MFHAS1: variants seen among roughly 807,000 people sequenced by gnomAD.
MFHAS1 encodes the protein multifunctional ROCO family signaling regulator 1.
A neutral mutation model predicts 70.4 loss-of-function variants in MFHAS1; 50 were observed. The observed-to-expected ratio is 0.71, with a 90% CI of 0.57 to 0.90. The LOEUF (loss-of-function observed/expected upper bound fraction) is 0.90, where lower values mean the gene tolerates loss of function less well. Among genes scored for constraint, MFHAS1 ranks in the 40% least tolerant of loss-of-function variants. The probability of loss-of-function intolerance (pLI) is 0.00; values close to 1 mark genes in which losing one functional copy is unlikely to be tolerated. For synonymous variants in MFHAS1, 952 were observed against 620.0 expected (o/e 1.54, Z -7.96); for missense variants, 1,795 against 1,347.6 (o/e 1.33, Z -5.20).
chr8:8,881,833 A>G (rs983599039), intron 1 of MFHAS1, among the ~76,000 whole-genome samples: 3 of 151,304 alleles, frequency 2.0e-5, no homozygotes, highest in Admixed American at 6.6e-5. Context: ...AAAAAAAAAA[A>G]AGAAAGCAGC....
intron 1 of MFHAS1, among the ~76,000 whole-genome samples, chr8:8,833,797 C>T (rs1807497611): frequency 6.6e-6 from 1 of 152,038 alleles, no homozygotes; most frequent in Non-Finnish European, 1.5e-5. Flanking sequence ...GAGAAGAACC[C>T]AAATGTCCCA....
At chr8:8,868,078 G>T (rs1463095344) in intron 1 of MFHAS1, among the ~76,000 whole-genome samples, 1 of 151,962 alleles carries the variant, frequency 6.6e-6, no homozygotes, top group Admixed American at 6.6e-5. Flanking sequence ...TATAATAAGT[G>T]GTATAGCGCA....
chr8:8,876,898 C>A (rs991605599), intron 1 of MFHAS1, among the ~76,000 whole-genome samples: 2 of 151,482 alleles, frequency 1.3e-5, no homozygotes, highest in Non-Finnish European at 2.9e-5. Context: ...CATGCCACTG[C>A]ACTCCAGCCT....
At chr8:8,811,352 G>C (rs1806540281) in intron 1 of MFHAS1, among the ~76,000 whole-genome samples, 1 of 151,130 alleles carries the variant, frequency 6.6e-6, no homozygotes, top group African/African-American at 2.4e-5. Context: ...CTGTCACCCA[G>C]GCTGGAGTAC....
rs1275426051 is a variant in MFHAS1 at position 8,893,365 on chromosome 8, T to C, written c.-307A>G. Reference sequence around the variant, plus strand: ...GGAGGATGCCTGCTCCTCCTCCCTCTCCGCCCGCCGCGCGGCGCCTCGGGG... The same window carrying C: ...GGAGGATGCCTGCTCCTCCTCCCTCCCCGCCCGCCGCGCGGCGCCTCGGGG... On this transcript the variant is annotated 5_prime_UTR_variant, in exon 1 of 3. Coordinates refer to ENST00000276282, the MANE Select transcript of MFHAS1 (RefSeq NM_004225.3). 1 of 144,356 alleles carries C rather than the reference T, an allele frequency of 6.9e-6. No individual in the cohort carries two copies. The highest frequency in any genetic ancestry group is 1.5e-5 in the Non-Finnish European group (1 of 65,182). The allele number at this position is 144,356 out of a possible 1,614,324, so 8.9% of individuals were successfully genotyped here.
chr8:8,800,111 A>T (rs1176641639), intron 1 of MFHAS1, among the ~76,000 whole-genome samples: 1 of 152,182 alleles, frequency 6.6e-6, no homozygotes, highest in Non-Finnish European at 1.5e-5. Flanking sequence ...CAATCTAAAA[A>T]CGCTATTTTT....
At chr8:8,838,274 G>C (rs1163196944) in intron 1 of MFHAS1, among the ~76,000 whole-genome samples, 1 of 152,200 alleles carries the variant, frequency 6.6e-6, no homozygotes, top group East Asian at 1.9e-4. Flanking sequence ...TGGCTGGGAA[G>C]AGGCAGAAAG....
At chr8:8,831,698 T>G (rs2117324673) in intron 1 of MFHAS1, among the ~76,000 whole-genome samples, 1 of 151,228 alleles carries the variant, frequency 6.6e-6, no homozygotes, top group Non-Finnish European at 1.5e-5. Flanking sequence ...AACCTCCGCC[T>G]CCCAGGTTCA....
chr8:8,811,087 G>A (rs374719592), intron 1 of MFHAS1, among the ~76,000 whole-genome samples: 3 of 152,116 alleles, frequency 2.0e-5, no homozygotes, highest in East Asian at 1.9e-4. Flanking sequence ...CAGCACTACA[G>A]GGAGAGGATT....
In MFHAS1 at chr8:8,804,418, C is replaced by A. The variant is rs577433784; in HGVS notation, c.2999-6927G>T. 8.5e-5 allele frequency among the ~76,000 whole-genome samples: 13 copies of A among 152,166 alleles called. No homozygotes were observed. The South Asian group carries it at 1.5e-3, about 17-fold the overall frequency. On this transcript the variant is annotated intron_variant, in intron 1 of 2. Transcript: ENST00000276282. ...ATAAAATAAACAAAAAACAAACAAA[C>A]AAAAAAACAACATTCATAAACACCC...
Position 8,892,036 on chromosome 8 carries a change from C to G in MFHAS1, c.1023G>C (p.Leu341=), listed in dbSNP as rs746949389. ...IRYLPDSIVE[L]TGLEELVLQG... is the part of the protein sequence containing the mutation. Reference sequence around the variant, plus strand: ...GCAGCACGAGCTCCTCCAGGCCGGTCAGCTCCACGATGGAGTCCGGCAGGT... The same window carrying G: ...GCAGCACGAGCTCCTCCAGGCCGGTGAGCTCCACGATGGAGTCCGGCAGGT... Residue 341 remains leucine (L), a synonymous_variant, in exon 1 of 3, where the codon CTG becomes CTC. Transcript: ENST00000276282. The surrounding 1 kb of genome is among the most constrained non-coding windows in gnomAD (Gnocchi z 4.7). 4.3e-6 allele frequency: 7 copies of G among 1,613,344 alleles called. No individual in the cohort carries two copies. In the African/African-American group the frequency reaches 6.7e-5, roughly 15 times the overall value.
chr8:8,883,754 G>A (rs1025182275), intron 1 of MFHAS1, among the ~76,000 whole-genome samples: 3 of 141,346 alleles, frequency 2.1e-5, no homozygotes, highest in Non-Finnish European at 3.1e-5. Flanking sequence ...ATGGATAGAA[G>A]CAAGTTAATA....
intron 1 of MFHAS1, among the ~76,000 whole-genome samples, chr8:8,871,145 G>T (rs996338992): frequency 3.3e-5 from 5 of 152,168 alleles, no homozygotes; most frequent in African/African-American, 7.2e-5. Flanking sequence ...TCTGCTACAT[G>T]CTGTGTGCCC....
Position 8,892,847 on chromosome 8 carries a change from C to A in MFHAS1, c.212G>T (p.Gly71Val). 6.3e-7 allele frequency: 1 copy of A among 1,597,646 alleles called. No homozygotes were observed. The highest frequency in any genetic ancestry group is 8.5e-7 in the Non-Finnish European group (1 of 1,172,728). The change falls in exon 1 of 3, where the codon GGG (glycine) becomes GTG (valine). Residue 71 changes from glycine (G) to valine (V), a missense_variant. Gly to Val is a moderately radical substitution (Grantham distance 109, BLOSUM62 -3). Transcript: ENST00000276282. The surrounding 1 kb of genome is among the most constrained non-coding windows in gnomAD (Gnocchi z 4.7). ...GGGTACCTCCTCCAGGCCGTTGTTC[C>A]CCAGGTTCAGTGCCTCAATGTCCCC... ...NLGDIEALNL[G>V]NNGLEEVPEG...
At position 8,784,574 on chromosome 8, in the gene MFHAS1, A is replaced by T. The variant is rs1281509653; in HGVS notation, c.*1448T>A. On this transcript the variant is annotated 3_prime_UTR_variant, in exon 3 of 3. Coordinates refer to ENST00000276282, the MANE Select transcript of MFHAS1 (RefSeq NM_004225.3). ...CTAGCAGGGCAGTCGCTTGCTCCTTATTTCTTTTAAAAAACATGTTGAGAC... is the reference window on the plus strand; with the variant it reads ...CTAGCAGGGCAGTCGCTTGCTCCTTTTTTCTTTTAAAAAACATGTTGAGAC... 1 of 152,144 alleles carries T rather than the reference A, an allele frequency of 6.6e-6. No homozygotes were observed. The highest frequency in any genetic ancestry group is 1.5e-5 in the Non-Finnish European group (1 of 68,010). The allele number at this position is 152,144 out of a possible 1,614,324, so 9.4% of individuals were successfully genotyped here.
rs537991328 is a variant in MFHAS1 at position 8,871,339 on chromosome 8, C to T, written c.2998+18722G>A. Among the ~76,000 whole-genome samples, 18 of 152,260 alleles carry T rather than the reference C, an allele frequency of 1.2e-4. No homozygotes were observed. The South Asian group carries it at 2.7e-3, about 23-fold the overall frequency. On this transcript the variant is annotated intron_variant, in intron 1 of 2. Coordinates refer to ENST00000276282, the MANE Select transcript of MFHAS1 (RefSeq NM_004225.3). ...CCGAGGGGGCTGGATCACTTGAGGT[C>T]GGGAGTTTGAGACCACCCTCGCCAA...
chr8:8,801,265 A>C (rs1010085112), intron 1 of MFHAS1, among the ~76,000 whole-genome samples: 19 of 152,280 alleles, frequency 1.2e-4, no homozygotes, highest in African/African-American at 4.6e-4. Context: ...TTAAGCCTCC[A>C]TTATCAACTC....
intron 1 of MFHAS1, among the ~76,000 whole-genome samples, chr8:8,885,726 C>T (rs13254041): frequency 0.22 from 32,930 of 152,144 alleles, 4,522 homozygotes; most frequent in African/African-American, 0.39. Context: ...ACTTTCTTTT[C>T]GGAGCCAGGG....
At chr8:8,814,625 C>T (rs1806669821) in intron 1 of MFHAS1, among the ~76,000 whole-genome samples, 4 of 151,984 alleles carry the variant, frequency 2.6e-5, no homozygotes, top group Admixed American at 2.0e-4. Flanking sequence ...AAAATATTTG[C>T]AAAGTATGTA....
Sources: gnomAD v4.1 joint callset for allele counts (sites outside exome capture counted in the v4.1 genomes callset) on GRCh38, gnomAD v4.1.1 for gene constraint, Gnocchi (gnomAD v3.1) non-coding constraint, MANE v1.5 for transcripts, NCBI Gene and HGNC (gene_info 2026-07-23, HGNC 2026-07-21) for gene names.